The following CACNA2D3 variants were observed in gnomAD, a reference collection of about 807,000 sequenced individuals.
CACNA2D3 encodes calcium voltage-gated channel auxiliary subunit alpha2delta 3.
In CACNA2D3, 60 loss-of-function variants were observed where a neutral mutation model predicts 160.6. That is an observed-to-expected ratio of 0.37 (90% CI 0.30 to 0.46). The LOEUF (loss-of-function observed/expected upper bound fraction) is 0.46. Ranked by LOEUF, CACNA2D3 falls within the 20% of genes least tolerant of loss-of-function variation. CACNA2D3 has a pLI of 1.00. For synonymous variants in CACNA2D3, 558 were observed against 492.9 expected, an observed-to-expected ratio of 1.13 and a Z score of -1.75; for missense variants, 1,205 against 1,365.0, an observed-to-expected ratio of 0.88 and a Z score of 1.85.
At chr3:54,466,327 C>G (rs1700625999) in intron 4 of CACNA2D3, among the ~76,000 whole-genome samples, 2 of 152,126 alleles carry the variant, frequency 1.3e-5, no homozygotes, top group African/African-American at 4.8e-5. Flanking sequence ...AAAGAAGTCT[C>G]AAATTAATTT....
intron 9 of CACNA2D3, among the ~76,000 whole-genome samples, chr3:54,619,166 T>C (rs1698926970): frequency 6.6e-6 from 1 of 152,154 alleles, no homozygotes; most frequent in Non-Finnish European, 1.5e-5. Context: ...TTCGCAAAGC[T>C]TAGTTCCCTG....
Position 54,810,044 on chromosome 3 carries a change from C to A in CACNA2D3, c.1381-6809C>A, listed in dbSNP as rs992907766. ...ATAATAACACCTGCCAGAAGAGGTG[C>A]CATCAGAGCTGAGATCTGACGCATG... On this transcript the variant is annotated intron_variant, in intron 13 of 37. Transcript: ENST00000474759. 2.0e-5 allele frequency among the ~76,000 whole-genome samples: 3 copies of A among 152,080 alleles called. No homozygotes were observed. The South Asian group carries it at 6.2e-4, about 32-fold the overall frequency.
chr3:54,912,653 A>G (rs1700583264), intron 27 of CACNA2D3, among the ~76,000 whole-genome samples: 1 of 152,080 alleles, frequency 6.6e-6, no homozygotes, highest in Non-Finnish European at 1.5e-5. Context: ...CATGTAAAAT[A>G]AAAACTCTTC....
At chr3:54,980,703 A>G (rs1575420036) in intron 29 of CACNA2D3, among the ~76,000 whole-genome samples, 2 of 152,198 alleles carry the variant, frequency 1.3e-5, no homozygotes, top group South Asian at 4.1e-4. Context: ...GACTCTCCAT[A>G]TGTCCCCAGG....
At chr3:54,831,516 C>T (rs1450002538) in intron 14 of CACNA2D3, among the ~76,000 whole-genome samples, 5 of 152,238 alleles carry the variant, frequency 3.3e-5, no homozygotes, top group African/African-American at 7.2e-5. Context: ...CATGGGCAAC[C>T]ACTGGGGAAG....
chr3:55,026,512 CG>C (rs1482382525), intron 35 of CACNA2D3, among the ~76,000 whole-genome samples: 1 of 152,036 alleles, frequency 6.6e-6, no homozygotes, highest in Non-Finnish European at 1.5e-5. Flanking sequence ...AAATGTTACA[CG>C]GGGGTCGCAG....
At chr3:54,449,975 G>A (rs1396167197) in intron 4 of CACNA2D3, among the ~76,000 whole-genome samples, 1 of 152,094 alleles carries the variant, frequency 6.6e-6, no homozygotes, top group South Asian at 2.1e-4. Flanking sequence ...TTATATAAAT[G>A]TAATAATTGG....
intron 27 of CACNA2D3, chr3:54,925,080 A>G: frequency 6.2e-7 from 1 of 1,614,130 alleles, no homozygotes; most frequent in Non-Finnish European, 8.5e-7. Flanking sequence ...CTGAGGAGGT[A>G]AATGGGAAGG....
chr3:54,702,139 A>C (rs923401137), intron 11 of CACNA2D3, among the ~76,000 whole-genome samples: 2 of 152,186 alleles, frequency 1.3e-5, no homozygotes, highest in African/African-American at 4.8e-5. Flanking sequence ...TAAAAGTAAA[A>C]CCTAAAATTG....
At chr3:54,924,505 G>T in intron 27 of CACNA2D3, 3 of 849,166 alleles carry the variant, frequency 3.5e-6, no homozygotes, top group Non-Finnish European at 5.5e-6. Context: ...ATGTGTAAAA[G>T]CCCAAATCCA....
chr3:54,742,575 T>C (rs1701675251), intron 11 of CACNA2D3, among the ~76,000 whole-genome samples: 1 of 152,202 alleles, frequency 6.6e-6, no homozygotes, highest in Non-Finnish European at 1.5e-5. Context: ...CCCACTCAGC[T>C]CTGGCTTCCA....
At chr3:55,046,105 T>C (rs201449685) in intron 35 of CACNA2D3, among the ~76,000 whole-genome samples, 7,937 of 147,316 alleles carry the variant, frequency 0.054, 261 homozygotes, top group South Asian at 0.081. Flanking sequence ...TTTTAACGTC[T>C]TTTTTTTTAT....
In CACNA2D3 at chr3:54,474,020, C is replaced by T. The variant is rs1279606391; in HGVS notation, c.382-29472C>T. Among the ~76,000 whole-genome samples, 21 of 152,256 alleles carry T rather than the reference C, an allele frequency of 1.4e-4. No homozygotes were observed. In the East Asian group the frequency reaches 3.9e-3, roughly 28 times the overall value. On this transcript the variant is annotated intron_variant, in intron 4 of 37. Transcript: ENST00000474759. ...CCTCAGGGATCTAGAACCAGAAATA[C>T]CATTTGACCCAGCCATCCCATTACT...
At chr3:54,888,089 T>G (rs1355322355) in intron 24 of CACNA2D3, 37 bp downstream of exon 24, 2 of 1,430,520 alleles carry the variant, frequency 1.4e-6, no homozygotes, top group Non-Finnish European at 2.0e-6. Context: ...CATGGCCATT[T>G]CCTCACCAAC....
intron 21 of CACNA2D3, among the ~76,000 whole-genome samples, chr3:54,883,255 C>G (rs558498328): frequency 6.6e-6 from 1 of 152,308 alleles, no homozygotes; most frequent in African/African-American, 2.4e-5. Context: ...AACTCCTGAC[C>G]TCGTTATCTG....
chr3:54,938,212 G>A (rs1473236765), intron 27 of CACNA2D3, among the ~76,000 whole-genome samples: 1 of 152,226 alleles, frequency 6.6e-6, no homozygotes, highest in Non-Finnish European at 1.5e-5. Flanking sequence ...CCCTGCTGGG[G>A]CTCCAGTACT....
At chr3:54,210,562 C>T (rs1216826299) in intron 2 of CACNA2D3, among the ~76,000 whole-genome samples, 1 of 152,064 alleles carries the variant, frequency 6.6e-6, no homozygotes, top group African/African-American at 2.4e-5. Flanking sequence ...TTAGTTTCCT[C>T]ATCTGTTAGA....
intron 13 of CACNA2D3, among the ~76,000 whole-genome samples, chr3:54,779,445 C>A (rs770476000): frequency 6.6e-6 from 1 of 152,194 alleles, no homozygotes; most frequent in East Asian, 1.9e-4. Flanking sequence ...GGAATCAAAT[C>A]TGGCTGTCAA....
At chr3:54,339,465 T>C (rs1267355709) in intron 3 of CACNA2D3, among the ~76,000 whole-genome samples, 1 of 152,194 alleles carries the variant, frequency 6.6e-6, no homozygotes, top group East Asian at 1.9e-4. Context: ...TGTTTATACC[T>C]TTTCTTCATA....
Sources: allele counts gnomAD v4.1 joint callset (sites outside exome capture counted in the v4.1 genomes callset), GRCh38; gene constraint gnomAD v4.1.1; transcripts MANE v1.5; gene names NCBI Gene and HGNC (gene_info 2026-07-23, HGNC 2026-07-21).